The following TSC1 variants were observed in gnomAD, a reference collection of about 807,000 sequenced individuals.
TSC1 encodes hamartin.
TSC1 carries 20 observed loss-of-function variants against 124.3 expected under a neutral mutation model. That is an observed-to-expected ratio of 0.16 (90% CI 0.11 to 0.23). TSC1 has a LOEUF of 0.23. TSC1 is among the 10% of genes least tolerant of loss of function. The pLI is 1.00. For synonymous variants in TSC1, 493 were observed against 539.1 expected (o/e 0.91, Z 1.19); for missense variants, 1,124 against 1,448.5 (o/e 0.78, Z 3.64).
intron 12 of TSC1, among the ~76,000 whole-genome samples, chr9:132,908,096 AAATAAT>A (rs557685539): frequency 6.6e-6 from 1 of 152,056 alleles, no homozygotes; most frequent in African/African-American, 2.4e-5. Flanking sequence ...CACACACACA[AAATAAT>A]AATAATAATG....
chr9:132,918,206 T>C (rs1846365008), intron 8 of TSC1, among the ~76,000 whole-genome samples: 1 of 152,214 alleles, frequency 6.6e-6, no homozygotes, highest in Non-Finnish European at 1.5e-5. Context: ...CCATAAGTTT[T>C]TGAAACTAAA....
chr9:132,923,768 G>T lies in TSC1; in HGVS notation c.364-276C>A. Reference sequence around the variant, plus strand: ...GGGAGACGAGTTCAAACTTGACTTGGGGACACCCAAGTCCTGCAGCCTTAG... The same window carrying T: ...GGGAGACGAGTTCAAACTTGACTTGTGGACACCCAAGTCCTGCAGCCTTAG... On this transcript the variant is annotated intron_variant, in intron 5 of 22. Coordinates refer to ENST00000298552, the MANE Select transcript of TSC1 (RefSeq NM_000368.5). The surrounding 1 kb of genome is among the most constrained non-coding windows in gnomAD (Gnocchi z 4.2). 2.2e-6 allele frequency: 1 copy of T among 445,046 alleles called. No individual in the cohort carries two copies. Among genetic ancestry groups the T allele is most frequent in the Non-Finnish European group, 4.1e-6 (1 of 241,896 alleles). 27.6% of individuals were successfully genotyped at this position (445,046 alleles called of 1,614,324 possible). A position where few individuals can be genotyped will look rare whatever the true frequency, so the allele number is the denominator to read the frequency against.
At chr9:132,931,264 A>C (rs1252181986) in intron 2 of TSC1, 2 of 152,198 alleles carry the variant, frequency 1.3e-5, no homozygotes, top group African/African-American at 4.8e-5. Context: ...AGAAGACGAT[A>C]ATGTCATATC....
At position 132,905,992 on chromosome 9, in the gene TSC1, G is replaced by C. The variant is rs1845645423; in HGVS notation, c.1586C>G (p.Ala529Gly). 3.1e-6 allele frequency: 5 copies of C among 1,614,124 alleles called. No individual in the cohort carries two copies. In the South Asian group the frequency reaches 5.5e-5, roughly 18 times the overall value. The change falls in exon 15 of 23, where the codon GCC (alanine) becomes GGC (glycine). Residue 529 changes from alanine to glycine, a missense_variant. Around this residue, in one of 5 missense-constraint regions of TSC1, gnomAD observed 321 missense variants for 397.4 expected, o/e 0.81. Transcript: ENST00000298552. ...THSAASSSQG[A>G]SVNPEPLHSS... ...GTGTAAAGGCTCAGGGTTCACGCTG[G>C]CGCCCTGAGAACTGGAGGCTGCCGA...
intron 1 of TSC1, among the ~76,000 whole-genome samples, chr9:132,937,801 G>A (rs985144061): frequency 6.6e-5 from 10 of 152,034 alleles, no homozygotes; most frequent in African/African-American, 1.7e-4. Flanking sequence ...TGCGACCTTC[G>A]CCTCCCAGGC....
chr9:132,944,459 C>T, intron 1 of TSC1, 84 bp downstream of exon 1: 1 of 397,730 alleles, frequency 2.5e-6, no homozygotes, highest in Non-Finnish European at 4.4e-6. Flanking sequence ...CCAGCCCCTC[C>T]GAGCCTCCCC....
rs888916414 is a variant in TSC1, at chr9:132,910,794, A to G, written c.1142-102T>C. ...AACTATTACTATAAATAAAGCTGCT[A>G]GAGTTAACTTTCTGGGGATCTAGAT... On this transcript the variant is annotated intron_variant, in intron 11 of 22. Transcript: ENST00000298552. 4.5e-6 allele frequency: 7 copies of G among 1,552,808 alleles called. No homozygotes were observed. The African/African-American group carries it at 5.4e-5, about 12-fold the overall frequency.
chr9:132,941,623 C>T (rs570093734), intron 1 of TSC1: 101 of 152,198 alleles, frequency 6.6e-4, no homozygotes, highest in African/African-American at 2.4e-3. Context: ...AATGACAAAA[C>T]CAATGCAAAG....
chr9:132,909,346 T>G (rs1403411702), intron 12 of TSC1, among the ~76,000 whole-genome samples: 1 of 152,216 alleles, frequency 6.6e-6, no homozygotes, highest in African/African-American at 2.4e-5. Context: ...AAAACTCAAA[T>G]TACTAACTAA....
rs1216537041 is a variant in TSC1 at position 132,911,084 on chromosome 9, A to G, written c.1059T>C (p.Cys353=). 1.2e-6 allele frequency: 2 copies of G among 1,614,228 alleles called. No homozygotes were observed. Among genetic ancestry groups the G allele is most frequent in the Admixed American group, 3.3e-5 (2 of 60,034 alleles). The part of the protein sequence containing the change: ...QATLWSPSMV[C]GMTTPPTSPG... ...GAGAAGTTGGAGGAGTGGTCATACCACAAACCATAGATGGGCTCCAAAGAG... is the reference window on the plus strand; with the variant it reads ...GAGAAGTTGGAGGAGTGGTCATACCGCAAACCATAGATGGGCTCCAAAGAG... Residue 353 remains cysteine, a synonymous_variant, in exon 11 of 23, where the codon TGT becomes TGC. Coordinates refer to ENST00000298552, the MANE Select transcript of TSC1 (RefSeq NM_000368.5).
intron 8 of TSC1, among the ~76,000 whole-genome samples, chr9:132,913,405 C>G (rs1329838942): frequency 1.3e-5 from 2 of 152,174 alleles, no homozygotes; most frequent in African/African-American, 2.4e-5. Flanking sequence ...CCACTTCTTG[C>G]AACTATCGAT....
rs2132140833 is a variant in TSC1, at chr9:132,921,494, G to A, written c.664-58C>T. 3 of 1,571,294 alleles carry A rather than the reference G, an allele frequency of 1.9e-6. No individual in the cohort carries two copies. Among genetic ancestry groups the A allele is most frequent in the Non-Finnish European group, 2.6e-6 (3 of 1,141,352 alleles). On this transcript the variant is annotated intron_variant, in intron 7 of 22. Transcript: ENST00000298552. The surrounding 1 kb of genome is among the most constrained non-coding windows in gnomAD (Gnocchi z 4.3). ...CTGAATGTTTGTGGAACATCCAAAT[G>A]ATGGAATATTAGTTGACAATTAAAA...
Position 132,928,935 on chromosome 9 carries a change from A to G in TSC1, c.-63T>C. ...GTGCTACAGGTTCTGAAGGTTCTTC[A>G]TTGGGGCCACTACCAAACTGAGAAA... On this transcript the variant is annotated 5_prime_UTR_variant, in exon 3 of 23. It removes an upstream start codon present in the reference 5' UTR. Coordinates refer to ENST00000298552, the MANE Select transcript of TSC1 (RefSeq NM_000368.5). 6.2e-7 allele frequency: 1 copy of G among 1,608,844 alleles called. No individual in the cohort carries two copies. Among genetic ancestry groups the G allele is most frequent in the Non-Finnish European group, 8.5e-7 (1 of 1,178,208 alleles).
intron 2 of TSC1, among the ~76,000 whole-genome samples, chr9:132,934,315 C>T (rs1323407788): frequency 1.3e-5 from 2 of 152,164 alleles, no homozygotes; most frequent in Non-Finnish European, 2.9e-5. Flanking sequence ...AAATTCCATC[C>T]GTGGAAATGC....
rs746550630 is a variant in TSC1 at position 132,910,590 on chromosome 9, G to A, written c.1244C>T (p.Thr415Ile). 8.1e-6 allele frequency: 13 copies of A among 1,614,014 alleles called. No homozygotes were observed. Among genetic ancestry groups the A allele is most frequent in the Non-Finnish European group, 1.1e-5 (13 of 1,180,048 alleles). Residue 415 changes from threonine to isoleucine, a missense_variant, in exon 12 of 23, where the codon ACA (threonine) becomes ATA (isoleucine). Around this residue, in one of 5 missense-constraint regions of TSC1, gnomAD observed 463 missense variants for 606.8 expected, o/e 0.76. Coordinates refer to ENST00000298552, the MANE Select transcript of TSC1 (RefSeq NM_000368.5). Reference protein sequence around the residue: ...DYVHISLPQATVTPPRKEERM... With the variant: ...DYVHISLPQAIVTPPRKEERM... ...TCGCACCTTCCTGGGGGGTGTGACT[G>A]TGGCCTGGGGGAGTGAAATGTGCAC... is the stretch of plus-strand genomic sequence containing the variant.
At chr9:132,927,010 T>G (rs1429481225) in intron 4 of TSC1, 191 bp downstream of exon 4, 1 of 617,674 alleles carries the variant, frequency 1.6e-6, no homozygotes, top group African/African-American at 1.8e-5. Context: ...TATGTTTTAT[T>G]TTGTAAACTT....
rs1187617751 is a variant in TSC1, at chr9:132,911,013, A to C, written c.1130T>G (p.Phe377Cys). Residue 377 changes from phenylalanine (F) to cysteine (C), a missense_variant, in exon 11 of 23, where the codon TTT (phenylalanine) becomes TGT (cysteine). Transcript: ENST00000298552. ...PDLSHPYSKV[F>C]GTTAGGKGTP... ...TAAGACATACATACCAGTTGTACCA[A>C]AGACTTTACTGTAAGGGTGTGACAG... The C allele has an allele frequency of 1.9e-6, 3 of 1,613,996 alleles. No individual in the cohort carries two copies. Among genetic ancestry groups the C allele is most frequent in the Non-Finnish European group, 2.5e-6 (3 of 1,179,958 alleles).
intron 8 of TSC1, among the ~76,000 whole-genome samples, chr9:132,915,170 G>A (rs951885806): frequency 6.6e-6 from 1 of 151,740 alleles, no homozygotes; most frequent in Non-Finnish European, 1.5e-5. Context: ...GGGCAACAGA[G>A]CAAGACCCTG....
chr9:132,900,550 G>T, intron 20 of TSC1, 165 bp downstream of exon 20: 1 of 1,123,220 alleles, frequency 8.9e-7, no homozygotes, highest in Non-Finnish European at 1.3e-6. Flanking sequence ...AAGCTCACAT[G>T]GTGGCTGGAA....
Sources: gnomAD v4.1 joint callset for allele counts (sites outside exome capture counted in the v4.1 genomes callset) on GRCh38, gnomAD v4.1.1 for gene constraint, gnomAD v4.1.1 regional missense constraint, Gnocchi (gnomAD v3.1) non-coding constraint, MANE v1.5 for transcripts, NCBI Gene and HGNC (gene_info 2026-07-23, HGNC 2026-07-21) for gene names.